The following PHYKPL variants were observed in gnomAD, a reference collection of about 807,000 sequenced individuals.
The protein encoded by PHYKPL is 5-phosphohydroxy-L-lysine phospho-lyase, also known as 5-phosphonooxy-L-lysine phospho-lyase.
In PHYKPL, 42 loss-of-function variants were observed where a neutral mutation model predicts 51.3. That is an observed-to-expected ratio of 0.82 (90% CI 0.64 to 1.06). The LOEUF (loss-of-function observed/expected upper bound fraction) is 1.06, where lower values mean the gene tolerates loss of function less well. PHYKPL is among the 50% of genes least tolerant of loss of function. The pLI, the probability that PHYKPL is intolerant of heterozygous loss-of-function variation, is 0.00. For missense variants in PHYKPL, 655 were observed against 586.6 expected, an observed-to-expected ratio of 1.12 and a Z score of -1.20; for synonymous variants, 264 against 236.0, an observed-to-expected ratio of 1.12 and a Z score of -1.09.
downstream of PHYKPL, among the ~76,000 whole-genome samples, chr5:178,207,673 T>C (rs1757135935): frequency 1.4e-5 from 2 of 147,520 alleles, no homozygotes; most frequent in Non-Finnish European, 3.0e-5. Flanking sequence ...CTTTGTCCAC[T>C]TCCATCCACT....
chr5:178,225,321 T>A (rs761733290), intron 4 of PHYKPL, 34 bp downstream of exon 4: 5 of 1,613,082 alleles, frequency 3.1e-6, no homozygotes, highest in Non-Finnish European at 4.2e-6. Context: ...TGGGCCAGGC[T>A]TCTGGGAACG....
chr5:178,222,073 C>A (rs1761273007), intron 8 of PHYKPL, among the ~76,000 whole-genome samples: 1 of 152,194 alleles, frequency 6.6e-6, no homozygotes. Flanking sequence ...CAGGGCGTGG[C>A]ACAGAATGGG....
intron 9 of PHYKPL, 22 bp from the exon 10 acceptor site, chr5:178,214,907 TCTCAGGAGGCCAGGC>T (rs1214080994): frequency 8.1e-6 from 13 of 1,611,044 alleles, no homozygotes; most frequent in Non-Finnish European, 1.0e-5. Flanking sequence ...GGTGACGACA[TCTCAGGAGGCCAGGC>T]CTGAGGGGCC....
intron 8 of PHYKPL, among the ~76,000 whole-genome samples, chr5:178,219,229 T>TA (rs11441619): frequency 0.23 from 35,365 of 152,026 alleles, 4,859 homozygotes; most frequent in East Asian, 0.43. Flanking sequence ...TAAAACTTTA[T>TA]AAATATGTAA....
intron 3 of PHYKPL, chr5:178,228,701 C>T (rs980407804): frequency 2.6e-5 from 18 of 682,952 alleles, no homozygotes; most frequent in Non-Finnish European, 3.2e-5. Flanking sequence ...CCACCACCTA[C>T]GATTTGTTGG....
chr5:178,215,516 CGT>C (rs1211026623), intron 8 of PHYKPL, 86 bp from the exon 9 acceptor site: 44 of 1,478,834 alleles, frequency 3.0e-5, no homozygotes, highest in African/African-American at 4.2e-5. Context: ...AACTGCCACA[CGT>C]GTTCCAAGGC....
chr5:178,229,413 G>A (rs888329200), intron 3 of PHYKPL, among the ~76,000 whole-genome samples: 2 of 152,144 alleles, frequency 1.3e-5, no homozygotes, highest in Non-Finnish European at 2.9e-5. Flanking sequence ...CAGCCTTGAC[G>A]AGACTTCTGA....
intron 4 of PHYKPL, 167 bp from the exon 5 acceptor site, chr5:178,224,896 C>T (rs967887435): frequency 3.4e-6 from 2 of 593,612 alleles, no homozygotes; most frequent in Non-Finnish European, 6.0e-6. Flanking sequence ...GAGTCAGCAA[C>T]AATTCTTGCA....
chr5:178,230,203 T>TAG (rs1763101354), intron 2 of PHYKPL, 104 bp from the exon 3 acceptor site: 2 of 1,439,208 alleles, frequency 1.4e-6, no homozygotes, highest in Non-Finnish European at 1.9e-6. Flanking sequence ...GATGTAGTTC[T>TAG]AGAGGGAGAG....
chr5:178,218,077 C>T (rs1419693681), intron 8 of PHYKPL, among the ~76,000 whole-genome samples: 2 of 112,856 alleles, frequency 1.8e-5, no homozygotes, highest in East Asian at 2.5e-4. Flanking sequence ...ATTAGCCGGG[C>T]GTGGTAGCGG....
intron 12 of PHYKPL, chr5:178,210,577 A>G (rs1757943266): frequency 1.9e-6 from 3 of 1,614,228 alleles, no homozygotes; most frequent in Non-Finnish European, 2.5e-6. Flanking sequence ...AACTACGGCA[A>G]GAGCCAGCGA....
At position 178,208,864 on chromosome 5, in the gene PHYKPL, G is replaced by A. The variant is rs1581165617; in HGVS notation, c.*83C>T. The stretch of plus-strand genomic sequence containing the variant: ...GAAAGCTGACTTTATCTGTAAGAGG[G>A]AGGTCAGGCTCGCCTTCTCAATAGC... On this transcript the variant is annotated 3_prime_UTR_variant, in exon 13 of 13. Transcript: ENST00000308158. 1 of 154,034 alleles carries A rather than the reference G, an allele frequency of 6.5e-6. No homozygotes were observed. The highest frequency in any genetic ancestry group is 1.4e-5 in the Non-Finnish European group (1 of 69,182). The allele number at this position is 154,034 out of a possible 1,614,324, so 9.5% of individuals were successfully genotyped here.
At chr5:178,230,212 A>G (rs1197784375) in intron 2 of PHYKPL, 113 bp from the exon 3 acceptor site, 3 of 1,322,612 alleles carry the variant, frequency 2.3e-6, no homozygotes, top group East Asian at 2.3e-5. Flanking sequence ...CTAGAGGGAG[A>G]GGTAGAAAGA....
At position 178,232,480 on chromosome 5, in the gene PHYKPL, C is replaced by A. The variant is rs773846659; in HGVS notation, c.59+12G>T. 113 of 1,366,006 alleles carry A rather than the reference C, an allele frequency of 8.3e-5. 1 individual carries two copies. The Middle Eastern group carries it at 1.3e-3, about 16-fold the overall frequency. The allele number at this position is 1,366,006 out of a possible 1,614,324, so 84.6% of individuals were successfully genotyped here. A position where few individuals can be genotyped will look rare whatever the true frequency, so the allele number is the denominator to read the frequency against. ...CCCCGCGCCCCCCGCCGCCCGCCCC[C>A]CGCCCGGGTACCTGATGAGCCGTTG... On this transcript the variant is annotated intron_variant, in intron 1 of 12. Transcript: ENST00000308158.
chr5:178,223,036 A>C (rs1343129118), intron 6 of PHYKPL, 102 bp from the exon 7 acceptor site: 5 of 1,100,520 alleles, frequency 4.5e-6, no homozygotes, highest in Non-Finnish European at 6.8e-6. Flanking sequence ...ACAAGTCACC[A>C]TCAGTGCTGC....
chr5:178,221,629 C>T (rs1761190047), intron 8 of PHYKPL, among the ~76,000 whole-genome samples: 1 of 152,200 alleles, frequency 6.6e-6, no homozygotes, highest in Non-Finnish European at 1.5e-5. Context: ...CCAATTCAAA[C>T]TGGCTCTTTT....
chr5:178,231,259 C>A, intron 2 of PHYKPL, 146 bp downstream of exon 2: 2 of 1,357,932 alleles, frequency 1.5e-6, no homozygotes, highest in Non-Finnish European at 1.0e-6. Context: ...AGCTATATTG[C>A]GAAGGCTGAG....
chr5:178,228,221 G>C (rs1205520893), intron 3 of PHYKPL: 1 of 347,980 alleles, frequency 2.9e-6, no homozygotes, highest in Admixed American at 4.5e-5. Context: ...AGAGAGAAAA[G>C]TGGCCCAGGA....
At position 178,224,687 on chromosome 5, in the gene PHYKPL, G is replaced by C; in HGVS notation, c.456C>G (p.Pro152=). 6.2e-7 allele frequency: 1 copy of C among 1,614,234 alleles called. No homozygotes were observed. The highest frequency in any genetic ancestry group is 8.5e-7 in the Non-Finnish European group (1 of 1,180,042). The change falls in exon 5 of 13, where the codon CCC becomes CCG. Residue 152 remains proline (P), a synonymous_variant. Transcript: ENST00000308158. ...GGCCATCCAGGTTGCGGAACTTGTA[G>C]GGACTGATGTCAATCAGGGAGCTCA... The part of the protein sequence containing the change: ...GHLSSLIDIS[P]YKFRNLDGQK...
Sources: gnomAD v4.1 joint callset for allele counts (sites outside exome capture counted in the v4.1 genomes callset) on GRCh38, gnomAD v4.1.1 for gene constraint, MANE v1.5 for transcripts, NCBI Gene and HGNC (gene_info 2026-07-23, HGNC 2026-07-21) for gene names.